NBAS: variants seen among roughly 807,000 people sequenced by gnomAD.
The protein encoded by NBAS is NAG/BC035112 fusion.
A neutral mutation model predicts 302.5 loss-of-function variants in NBAS; 219 were observed. That is an observed-to-expected ratio of 0.72 (90% confidence interval 0.65 to 0.81). The LOEUF is 0.81. Among genes scored for constraint, NBAS ranks in the 30% least tolerant of loss-of-function variants. The pLI is 0.00. For synonymous variants in NBAS, 1,118 were observed against 1,021.6 expected, an observed-to-expected ratio of 1.09 and a Z score of -1.80; for missense variants, 2,932 against 2,841.6, an observed-to-expected ratio of 1.03 and a Z score of -0.72.
chr2:14,974,195 A>T, the NBAS span, among the ~76,000 whole-genome samples: 1 of 152,252 alleles, frequency 6.6e-6, no homozygotes, highest in Non-Finnish European at 1.5e-5. Flanking sequence ...TTGAGGGAAG[A>T]TACCATGTCT....
chr2:15,406,103 T>TAAAAAAAAAAA (rs71400653), intron 25 of NBAS, among the ~76,000 whole-genome samples: 3 of 115,054 alleles, frequency 2.6e-5, no homozygotes, highest in Non-Finnish European at 3.5e-5. Flanking sequence ...CAATAACATG[T>TAAAAAAAAAAA]AAAAAAAAAA....
intron 41 of NBAS, among the ~76,000 whole-genome samples, chr2:15,288,297 C>A (rs1670149802): frequency 6.6e-6 from 1 of 152,132 alleles, no homozygotes; most frequent in African/African-American, 2.4e-5. Flanking sequence ...GAAATGTGAA[C>A]CAGCAATTAA....
chr2:14,819,483 G>C, the NBAS span, among the ~76,000 whole-genome samples: 61 of 152,320 alleles, frequency 4.0e-4, no homozygotes, highest in African/African-American at 1.4e-3. Flanking sequence ...ATTAGGAAAA[G>C]TGTAAAATCA....
At chr2:14,816,545 C>T in the NBAS span, among the ~76,000 whole-genome samples, 1 of 152,180 alleles carries the variant, frequency 6.6e-6, no homozygotes, top group Admixed American at 6.5e-5. Flanking sequence ...GAACCTTGTA[C>T]TTTACTCTTA....
chr2:15,209,663 CA>C, intron 48 of NBAS, among the ~76,000 whole-genome samples: 1 of 152,044 alleles, frequency 6.6e-6, no homozygotes, highest in East Asian at 1.9e-4. Flanking sequence ...CTAGAATAGC[CA>C]AAGCTCTGAT....
At chr2:15,533,611 C>T (rs1663329786) in intron 9 of NBAS, among the ~76,000 whole-genome samples, 2 of 151,370 alleles carry the variant, frequency 1.3e-5, no homozygotes, top group Admixed American at 6.6e-5. Context: ...AAACTCAGGA[C>T]AGTAATCATC....
chr2:15,476,523 C>G (rs748906257), intron 13 of NBAS, among the ~76,000 whole-genome samples: 6 of 152,006 alleles, frequency 3.9e-5, no homozygotes, highest in Non-Finnish European at 5.9e-5. Context: ...GAGTTCGAGA[C>G]CAGCCTGGCC....
intron 47 of NBAS, among the ~76,000 whole-genome samples, chr2:15,223,232 T>C (rs1003480789): frequency 2.0e-5 from 3 of 152,138 alleles, no homozygotes; most frequent in African/African-American, 7.2e-5. Flanking sequence ...TCAGCAAATA[T>C]ACAAACACAT....
chr2:15,077,199 G>A, the NBAS span, among the ~76,000 whole-genome samples: 997 of 152,286 alleles, frequency 6.5e-3, 16 homozygotes, highest in African/African-American at 0.021. Context: ...CATGGCAGCA[G>A]GAAAGAGTGG....
At chr2:15,056,853 G>C in the NBAS span, among the ~76,000 whole-genome samples, 1 of 141,090 alleles carries the variant, frequency 7.1e-6, no homozygotes. Context: ...TTTTTTGACG[G>C]AGTCTCACTC....
At chr2:15,375,190 G>A (rs1674677246) in intron 30 of NBAS, among the ~76,000 whole-genome samples, 1 of 152,202 alleles carries the variant, frequency 6.6e-6, no homozygotes, top group Non-Finnish European at 1.5e-5. Flanking sequence ...GAAATGCAGA[G>A]AACATCTTTC....
intron 50 of NBAS, among the ~76,000 whole-genome samples, chr2:15,185,610 C>T (rs1267671293): frequency 6.6e-6 from 1 of 152,118 alleles, no homozygotes. Context: ...CAGAGCAGAT[C>T]ACGGGTTCAT....
the NBAS span, among the ~76,000 whole-genome samples, chr2:14,783,900 A>T: frequency 6.6e-6 from 1 of 150,636 alleles, no homozygotes; most frequent in Non-Finnish European, 1.5e-5. Flanking sequence ...CGCCACACTG[A>T]CTTCCACAAT....
At chr2:14,829,844 A>G in the NBAS span, among the ~76,000 whole-genome samples, 4 of 152,358 alleles carry the variant, frequency 2.6e-5, no homozygotes, top group African/African-American at 9.6e-5. Context: ...TAGGAAACTT[A>G]AGTCTTGTGG....
At chr2:15,350,369 T>G (rs1673294388) in intron 35 of NBAS, among the ~76,000 whole-genome samples, 2 of 152,178 alleles carry the variant, frequency 1.3e-5, no homozygotes, top group Non-Finnish European at 1.5e-5. Context: ...ACTGTGAAAG[T>G]GAAGCTTACC....
At chr2:15,474,448 A>G in intron 14 of NBAS, 124 bp from the exon 15 acceptor site, 2 of 1,033,134 alleles carry the variant, frequency 1.9e-6, no homozygotes, top group East Asian at 2.6e-5. Context: ...CTATGTGATC[A>G]AGATTAACAA....
chr2:15,000,925 A>T, the NBAS span, among the ~76,000 whole-genome samples: 2 of 152,160 alleles, frequency 1.3e-5, no homozygotes, highest in African/African-American at 4.8e-5. Flanking sequence ...TTTTATAGAC[A>T]AAGTAACTAA....
chr2:15,301,955 T>A (rs1023526582), intron 40 of NBAS, among the ~76,000 whole-genome samples: 1 of 152,076 alleles, frequency 6.6e-6, no homozygotes, highest in Non-Finnish European at 1.5e-5. Flanking sequence ...GGATTTTGGG[T>A]GGAGAGGAGG....
chr2:14,984,791 A>G, the NBAS span, among the ~76,000 whole-genome samples: 1 of 152,216 alleles, frequency 6.6e-6, no homozygotes, highest in South Asian at 2.1e-4. Flanking sequence ...GTGAAAGGTC[A>G]TATGCATGAA....
Sources: gnomAD v4.1 joint callset for allele counts (sites outside exome capture counted in the v4.1 genomes callset) on GRCh38, gnomAD v4.1.1 for gene constraint, MANE v1.5 for transcripts, NCBI Gene and HGNC (gene_info 2026-07-23, HGNC 2026-07-21) for gene names.